The following RORA variants were observed in gnomAD, a reference collection of about 807,000 sequenced individuals.
RORA encodes the protein RAR related orphan receptor A, also known as nuclear receptor ROR-alpha.
Under a neutral mutation model 69.5 loss-of-function variants are expected in RORA, and 7 were observed. The observed-to-expected ratio is 0.10, with a 90% CI of 0.06 to 0.19. The LOEUF is 0.19. RORA is among the 10% of genes least tolerant of loss of function. The probability of loss-of-function intolerance (pLI) is 1.00; values close to 1 mark genes in which losing one functional copy is unlikely to be tolerated. For missense variants in RORA, 457 were observed against 663.0 expected (o/e 0.69, Z 3.41); for synonymous variants, 261 against 240.8 (o/e 1.08, Z -0.78).
intron 1 of RORA, among the ~76,000 whole-genome samples, chr15:60,918,373 T>A (rs765600517): frequency 6.6e-5 from 10 of 152,246 alleles, no homozygotes; most frequent in Non-Finnish European, 1.5e-4. Flanking sequence ...TTAGTGAATT[T>A]CCAGTGGCTA....
At chr15:60,625,869 T>A (rs546877269) in intron 2 of RORA, among the ~76,000 whole-genome samples, 16 of 152,394 alleles carry the variant, frequency 1.0e-4, no homozygotes, top group African/African-American at 3.8e-4. Flanking sequence ...TTGAATATTG[T>A]ATCATGTACC....
chr15:60,510,621 T>C (rs1259523745), intron 5 of RORA: 3 of 152,568 alleles, frequency 2.0e-5, no homozygotes, highest in Admixed American at 6.5e-5. Flanking sequence ...GTGCATATGA[T>C]ATAAATGGCG....
In RORA at chr15:61,112,536, G is replaced by A. The variant is rs531240921; in HGVS notation, c.166+116517C>T. 2.0e-5 allele frequency among the ~76,000 whole-genome samples: 3 copies of A among 152,308 alleles called. No individual in the cohort carries two copies. The East Asian group carries it at 5.8e-4, about 29-fold the overall frequency. ...AAGGACGTTTTGAGGCAAAGAGAAAGGTTGAGGCCAGGAAGTAAAGGGTTT... is the reference window on the plus strand; with the variant it reads ...AAGGACGTTTTGAGGCAAAGAGAAAAGTTGAGGCCAGGAAGTAAAGGGTTT... On this transcript the variant is annotated intron_variant, in intron 1 of 10. Transcript: ENST00000335670.
chr15:60,705,558 T>G (rs1345127988), intron 1 of RORA, among the ~76,000 whole-genome samples: 1 of 152,192 alleles, frequency 6.6e-6, no homozygotes, highest in Non-Finnish European at 1.5e-5. Flanking sequence ...GCAATTATGA[T>G]AAAGGTCGAG....
intron 1 of RORA, among the ~76,000 whole-genome samples, chr15:60,900,206 T>C (rs1260252153): frequency 6.9e-6 from 1 of 144,760 alleles, no homozygotes. Flanking sequence ...CCAGATGGGA[T>C]GTTTCAAAAG....
intron 2 of RORA, among the ~76,000 whole-genome samples, chr15:60,635,640 C>T (rs1404141070): frequency 2.0e-5 from 3 of 152,102 alleles, no homozygotes; most frequent in South Asian, 2.1e-4. Flanking sequence ...CTTTAAAAGG[C>T]GTTTCCAAAG....
chr15:60,717,481 T>C (rs980486823), intron 1 of RORA, among the ~76,000 whole-genome samples: 9 of 152,330 alleles, frequency 5.9e-5, no homozygotes, highest in African/African-American at 2.2e-4. Flanking sequence ...TTGTAATACC[T>C]ATAGCATGTA....
In RORA at chr15:60,652,869, C is replaced by T. The variant is rs79612946; in HGVS notation, c.196+25788G>A. Among the ~76,000 whole-genome samples, 879 of 152,322 alleles carry T rather than the reference C, an allele frequency of 5.8e-3. 32 individuals are homozygous for T. The East Asian group carries it at 0.086, about 15-fold the overall frequency. The stretch of plus-strand genomic sequence containing the variant: ...AAAATGCTCAATGCTGGTGCTTGCT[C>T]TCTTCCTCTCCATTGTTTCTCTGTT... On this transcript the variant is annotated intron_variant, in intron 2 of 10. Coordinates refer to ENST00000335670, the MANE Select transcript of RORA (RefSeq NM_134261.3).
chr15:60,569,092 T>C (rs1006967698), intron 2 of RORA, among the ~76,000 whole-genome samples: 1 of 151,884 alleles, frequency 6.6e-6, no homozygotes, highest in East Asian at 1.9e-4. Flanking sequence ...TTCTTTGTGG[T>C]AAGAGGTATT....
At chr15:60,676,131 A>G (rs1296392262) in intron 2 of RORA, among the ~76,000 whole-genome samples, 1 of 152,208 alleles carries the variant, frequency 6.6e-6, no homozygotes, top group Non-Finnish European at 1.5e-5. Flanking sequence ...ACGTATAGGC[A>G]AGTTAGGACA....
chr15:61,173,639 C>T (rs912423898), intron 1 of RORA, among the ~76,000 whole-genome samples: 1 of 152,154 alleles, frequency 6.6e-6, no homozygotes, highest in Non-Finnish European at 1.5e-5. Context: ...AATCAAAATA[C>T]GGAATGACAT....
chr15:60,955,241 G>A (rs1893232737), intron 1 of RORA, among the ~76,000 whole-genome samples: 1 of 152,214 alleles, frequency 6.6e-6, no homozygotes, highest in African/African-American at 2.4e-5. Flanking sequence ...GGTGGAGTTT[G>A]CAGTGAGCCG....
At chr15:61,059,701 T>C (rs1389695268) in intron 1 of RORA, among the ~76,000 whole-genome samples, 1 of 152,080 alleles carries the variant, frequency 6.6e-6, no homozygotes, top group Non-Finnish European at 1.5e-5. Flanking sequence ...TTTTAATGTG[T>C]CCTGTCCCTA....
At chr15:60,811,873 T>A (rs2072749393) in intron 1 of RORA, among the ~76,000 whole-genome samples, 1 of 152,216 alleles carries the variant, frequency 6.6e-6, no homozygotes, top group Admixed American at 6.5e-5. Context: ...TCATTTACTG[T>A]CTCTTGGGTG....
chr15:61,056,891 T>C (rs1444480604), intron 1 of RORA, among the ~76,000 whole-genome samples: 1 of 152,250 alleles, frequency 6.6e-6, no homozygotes, highest in Non-Finnish European at 1.5e-5. Context: ...GTATTTGGCC[T>C]ATTCAACCTT....
intron 1 of RORA, among the ~76,000 whole-genome samples, chr15:60,718,765 T>C (rs1175674262): frequency 6.6e-6 from 1 of 152,220 alleles, no homozygotes; most frequent in Non-Finnish European, 1.5e-5. Flanking sequence ...GTCATTAATA[T>C]GTGGAAAAGG....
At chr15:60,913,980 C>G (rs566943893) in intron 1 of RORA, among the ~76,000 whole-genome samples, 2 of 152,298 alleles carry the variant, frequency 1.3e-5, no homozygotes, top group African/African-American at 4.8e-5. Context: ...GTCTGTCTCC[C>G]TTTCACACTG....
chr15:60,974,168 A>G (rs77154213), intron 1 of RORA, among the ~76,000 whole-genome samples: 1,618 of 152,182 alleles, frequency 0.011, 28 homozygotes, highest in African/African-American at 0.037. Flanking sequence ...CCCCCGTGGA[A>G]CCCACGTCAA....
intron 2 of RORA, among the ~76,000 whole-genome samples, chr15:60,602,344 T>C (rs978918246): frequency 6.6e-6 from 1 of 152,216 alleles, no homozygotes; most frequent in African/African-American, 2.4e-5. Context: ...AGTGATATTA[T>C]CATATTTGCT....
Sources: gnomAD v4.1 joint callset for allele counts (sites outside exome capture counted in the v4.1 genomes callset) on GRCh38, gnomAD v4.1.1 for gene constraint, MANE v1.5 for transcripts, NCBI Gene and HGNC (gene_info 2026-07-23, HGNC 2026-07-21) for gene names.